GSTA5: variants seen among roughly 807,000 people sequenced by gnomAD.
The protein encoded by GSTA5 is glutathione S-transferase alpha 5.
Under a neutral mutation model 21.8 loss-of-function variants are expected in GSTA5, and 25 were observed. The ratio of observed to expected loss-of-function variants is 1.14; its 90% CI spans 0.83 to 1.60. The LOEUF (loss-of-function observed/expected upper bound fraction) is 1.60, where lower values mean the gene tolerates loss of function less well. Ranked by LOEUF, GSTA5 falls within the 40% of genes most tolerant of loss-of-function variation. The pLI, the probability that GSTA5 is intolerant of heterozygous loss-of-function variation, is 0.00. For missense variants in GSTA5, 330 were observed against 259.2 expected, an observed-to-expected ratio of 1.27 and a Z score of -1.88; for synonymous variants, 102 against 89.5, an observed-to-expected ratio of 1.14 and a Z score of -0.78.
chr6:52,833,181 G>A (rs574671729), intron 4 of GSTA5, among the ~76,000 whole-genome samples, 191 bp from the exon 5 acceptor site: 2 of 152,256 alleles, frequency 1.3e-5, no homozygotes, highest in African/African-American at 2.4e-5. Flanking sequence ...TCACTGCTTG[G>A]TTGGAGGCCA....
chr6:52,837,878 G>C (rs1764315526), intron 1 of GSTA5, among the ~76,000 whole-genome samples: 1 of 152,128 alleles, frequency 6.6e-6, no homozygotes, highest in Admixed American at 6.5e-5. Flanking sequence ...ATTTTGAGAG[G>C]GGACATCACT....
At chr6:52,833,678 TA>T (rs573812436) in intron 4 of GSTA5, among the ~76,000 whole-genome samples, 693 of 152,304 alleles carry the variant, frequency 4.6e-3, no homozygotes, top group Non-Finnish European at 7.6e-3. Context: ...ACTCTCCTTT[TA>T]AAAAATACTG....
upstream of GSTA5, among the ~76,000 whole-genome samples, chr6:52,841,970 C>T (rs1344448544): frequency 6.6e-6 from 1 of 152,186 alleles, no homozygotes; most frequent in Non-Finnish European, 1.5e-5. Flanking sequence ...TATCAGTGAG[C>T]ATGACATGTT....
In GSTA5 at chr6:52,839,529, A is replaced by T. The variant is rs544027394; in HGVS notation, c.87+1198T>A. ...GTCCCAAGCCTTCGTGAAGCAACGC[A>T]CAAAGTACCGTTCCGAGGCTCAGGT... On this transcript the variant is annotated intron_variant, in intron 1 of 5. Transcript: ENST00000370989. Among the ~76,000 whole-genome samples, 7 of 152,332 alleles carry T rather than the reference A, an allele frequency of 4.6e-5. 1 individual carries two copies. The South Asian group carries it at 1.0e-3, about 23-fold the overall frequency.
intron 4 of GSTA5, 45 bp downstream of exon 4, chr6:52,834,096 G>A (rs1561925938): frequency 6.2e-7 from 1 of 1,610,372 alleles, no homozygotes; most frequent in Non-Finnish European, 8.5e-7. Context: ...TTTTTCTACT[G>A]GTGTCTAAAC....
At chr6:52,843,971 G>A (rs538145409), upstream of GSTA5, among the ~76,000 whole-genome samples, 10 of 152,192 alleles carry the variant, frequency 6.6e-5, no homozygotes, top group East Asian at 1.9e-4. Flanking sequence ...AGAGGTTACC[G>A]TTGAGCTTTG....
chr6:52,841,830 A>T (rs1200303612), upstream of GSTA5, among the ~76,000 whole-genome samples: 1 of 152,144 alleles, frequency 6.6e-6, no homozygotes, highest in Non-Finnish European at 1.5e-5. Context: ...TGGGATGCAG[A>T]CTCACTGCTA....
chr6:52,832,222 A>G (rs182672100), intron 5 of GSTA5, among the ~76,000 whole-genome samples: 43 of 152,322 alleles, frequency 2.8e-4, no homozygotes, highest in African/African-American at 9.1e-4. Flanking sequence ...CTTACATATT[A>G]ATCCTGTAGA....
chr6:52,837,539 A>T lies in GSTA5; in HGVS notation c.139+19T>A. The T allele has an allele frequency of 2.6e-6, 4 of 1,539,118 alleles. No individual in the cohort carries two copies. In the South Asian group the frequency reaches 4.5e-5, roughly 17 times the overall value. ...TCTACTAGAAACTCTCATCAGAGTT[A>T]CTTAGAGATTGATCTTACCATTTCT... On this transcript the variant is annotated intron_variant, in intron 2 of 5. Transcript: ENST00000370989.
chr6:52,833,304 C>T (rs894070100), intron 4 of GSTA5, among the ~76,000 whole-genome samples: 1 of 152,294 alleles, frequency 6.6e-6, no homozygotes, highest in East Asian at 1.9e-4. Flanking sequence ...GTTCTGTCTG[C>T]CCCAGGCCCT....
At chr6:52,833,827 A>G (rs1262631099) in intron 4 of GSTA5, among the ~76,000 whole-genome samples, 1 of 152,198 alleles carries the variant, frequency 6.6e-6, no homozygotes, top group Non-Finnish European at 1.5e-5. Flanking sequence ...CATAGACTCA[A>G]CAGCAACCTC....
At chr6:52,836,740 G>A (rs1561926688) in intron 2 of GSTA5, among the ~76,000 whole-genome samples, 1 of 152,186 alleles carries the variant, frequency 6.6e-6, no homozygotes, top group Non-Finnish European at 1.5e-5. Flanking sequence ...TCGAACTCCT[G>A]ACCTCAAATG....
chr6:52,845,861 T>A, the GSTA5 span, among the ~76,000 whole-genome samples: 1 of 152,210 alleles, frequency 6.6e-6, no homozygotes, highest in African/African-American at 2.4e-5. Context: ...AATTCTTCAT[T>A]TTTACATTTC....
At chr6:52,839,778 G>T (rs1292962148) in intron 1 of GSTA5, among the ~76,000 whole-genome samples, 3 of 152,202 alleles carry the variant, frequency 2.0e-5, no homozygotes, top group Non-Finnish European at 4.4e-5. Context: ...ACTCAGCGGA[G>T]TCCCACAGAC....
At chr6:52,838,042 C>T (rs562344731) in intron 1 of GSTA5, among the ~76,000 whole-genome samples, 173 of 152,306 alleles carry the variant, frequency 1.1e-3, no homozygotes, top group Non-Finnish European at 2.0e-3. Flanking sequence ...CACCAAGGAG[C>T]CTCTGCTATA....
At chr6:52,838,634 T>C (rs1342877586) in intron 1 of GSTA5, among the ~76,000 whole-genome samples, 1 of 152,200 alleles carries the variant, frequency 6.6e-6, no homozygotes, top group East Asian at 1.9e-4. Context: ...TTAATACAGA[T>C]ATGAAATTCA....
At chr6:52,833,787 G>A (rs897205194) in intron 4 of GSTA5, among the ~76,000 whole-genome samples, 3 of 152,138 alleles carry the variant, frequency 2.0e-5, no homozygotes, top group African/African-American at 7.2e-5. Flanking sequence ...CTTTCATCAT[G>A]TTCTTCTTCC....
At chr6:52,838,555 T>G (rs1764323871) in intron 1 of GSTA5, among the ~76,000 whole-genome samples, 2 of 152,254 alleles carry the variant, frequency 1.3e-5, no homozygotes, top group South Asian at 2.1e-4. Flanking sequence ...ACAAGTCACT[T>G]TGGTGGAAAT....
upstream of GSTA5, among the ~76,000 whole-genome samples, chr6:52,842,916 T>C (rs1375297433): frequency 5.9e-5 from 9 of 152,132 alleles, 1 homozygote; most frequent in Admixed American, 5.9e-4. Flanking sequence ...CCCACCCCAC[T>C]ATAGGTCCCG....
Sources: gnomAD v4.1 joint callset for allele counts (sites outside exome capture counted in the v4.1 genomes callset) on GRCh38, gnomAD v4.1.1 for gene constraint, MANE v1.5 for transcripts, NCBI Gene and HGNC (gene_info 2026-07-23, HGNC 2026-07-21) for gene names.